AMZ1: variants seen among roughly 807,000 people sequenced by gnomAD.
The protein encoded by AMZ1 is archaemetzincin-1.
A neutral mutation model predicts 29.9 loss-of-function variants in AMZ1; 39 were observed. The ratio of observed to expected loss-of-function variants is 1.30; its 90% CI spans 1.01 to 1.70. AMZ1 has a LOEUF of 1.70. AMZ1 is among the 40% of genes most tolerant of loss of function. The pLI, the probability that AMZ1 is intolerant of heterozygous loss-of-function variation, is 0.00. For synonymous variants in AMZ1, 458 were observed against 304.0 expected (o/e 1.51, Z -5.27); for missense variants, 1,041 against 680.6 (o/e 1.53, Z -5.89).
chr7:2,723,309 C>CA (rs1376883921), downstream of AMZ1, among the ~76,000 whole-genome samples: 4 of 152,310 alleles, frequency 2.6e-5, no homozygotes, highest in African/African-American at 9.6e-5. Flanking sequence ...TGGCAACATG[C>CA]ACCCGGGTGC....
chr7:2,713,774 G>GC lies in AMZ1; in HGVS notation c.*901dup, dbSNP rs1316241694. The GC allele has an allele frequency of 6.6e-6, 1 of 152,390 alleles. No homozygotes were observed. The highest frequency in any genetic ancestry group is 1.5e-5 in the Non-Finnish European group (1 of 68,078). 9.4% of individuals were successfully genotyped at this position (152,390 alleles called of 1,614,324 possible). ...TGTCTGACGTGCACTGAGGGCAGAG[G>GC]CCCCCTTATTCCTGAGGCGGCTACA... is the stretch of plus-strand genomic sequence containing the variant. On this transcript the variant is annotated 3_prime_UTR_variant, in exon 7 of 7. Coordinates refer to ENST00000683327, the MANE Select transcript of AMZ1 (RefSeq NM_001384743.1).
intron 4 of AMZ1, among the ~76,000 whole-genome samples, chr7:2,726,032 C>T (rs867433521): frequency 7.9e-5 from 12 of 152,298 alleles, no homozygotes; most frequent in Middle Eastern, 6.8e-3. Context: ...GGCTGCTGTG[C>T]AAATTAAGCA....
At chr7:2,692,410 C>T (rs575788310) in intron 1 of AMZ1, among the ~76,000 whole-genome samples, 92 of 152,248 alleles carry the variant, frequency 6.0e-4, no homozygotes, top group African/African-American at 2.0e-3. Context: ...GGTGTGGTGG[C>T]GGGCGCCTTT....
At chr7:2,698,654 TAGTG>T (rs1367830613) in intron 1 of AMZ1, among the ~76,000 whole-genome samples, 1 of 152,000 alleles carries the variant, frequency 6.6e-6, no homozygotes, top group Non-Finnish European at 1.5e-5. Context: ...CTGGGCAACA[TAGTG>T]AGACCCCCGT....
intron 3 of AMZ1, among the ~76,000 whole-genome samples, chr7:2,704,432 C>T (rs556959029): frequency 4.0e-5 from 6 of 151,892 alleles, no homozygotes; most frequent in Admixed American, 2.0e-4. Context: ...GAGCTGTGAT[C>T]GTGCTACTGT....
chr7:2,720,111 C>A (rs1164981992), downstream of AMZ1, among the ~76,000 whole-genome samples: 1 of 152,388 alleles, frequency 6.6e-6, no homozygotes, highest in Middle Eastern at 3.4e-3. Context: ...CCGACGGGAA[C>A]CTACCGACAG....
chr7:2,738,015 G>A (rs1790295494), intron 4 of AMZ1, among the ~76,000 whole-genome samples: 1 of 152,182 alleles, frequency 6.6e-6, no homozygotes, highest in South Asian at 2.1e-4. Flanking sequence ...AGCTGTGAAA[G>A]TATTCTGGAA....
chr7:2,740,203 C>G (rs185799766), intron 4 of AMZ1, among the ~76,000 whole-genome samples: 1 of 152,232 alleles, frequency 6.6e-6, no homozygotes, highest in East Asian at 1.9e-4. Flanking sequence ...GTGATCTTTT[C>G]TAGGTGGTTC....
At position 2,749,629 on chromosome 7, in the gene AMZ1, T is replaced by G. The variant is rs192885500; in HGVS notation, n.551-15083T>G. Among the ~76,000 whole-genome samples, 706 of 152,156 alleles carry G rather than the reference T, an allele frequency of 4.6e-3. 8 individuals carry two copies. Among genetic ancestry groups the G allele is most frequent in the African/African-American group, 0.016 (666 of 41,506 alleles). ...ATACATATGTAACAAACCTGCACGTTGTGCACATGTACCCTAGAACTTAAA... is the reference window on the plus strand; with the variant it reads ...ATACATATGTAACAAACCTGCACGTGGTGCACATGTACCCTAGAACTTAAA... On this transcript the variant is annotated intron_variant and non_coding_transcript_variant, in intron 4 of 4. Coordinates refer to the AMZ1 transcript ENST00000489665.
At chr7:2,746,228 C>A (rs1246394326) in intron 4 of AMZ1, among the ~76,000 whole-genome samples, 1 of 152,196 alleles carries the variant, frequency 6.6e-6, no homozygotes, top group Non-Finnish European at 1.5e-5. Flanking sequence ...TTCTTTTCAG[C>A]ACCACACCAC....
chr7:2,690,758 A>G (rs1298462481), intron 1 of AMZ1, among the ~76,000 whole-genome samples: 1 of 152,032 alleles, frequency 6.6e-6, no homozygotes, highest in East Asian at 1.9e-4. Flanking sequence ...GTCCTCCCTG[A>G]ATAACTTAGA....
chr7:2,746,339 C>T (rs1175976404), intron 4 of AMZ1, among the ~76,000 whole-genome samples: 1 of 152,186 alleles, frequency 6.6e-6, no homozygotes, highest in East Asian at 1.9e-4. Context: ...GACCACAGTG[C>T]AATCAAACTA....
intron 1 of AMZ1, among the ~76,000 whole-genome samples, chr7:2,696,650 T>C (rs970123726): frequency 2.6e-5 from 4 of 151,660 alleles, no homozygotes; most frequent in South Asian, 2.1e-4. Context: ...TTTGGGAGGC[T>C]GAGGTGGGCA....
rs116597581 is a variant in AMZ1, at chr7:2,753,552, G to A, written n.551-11160G>A. On this transcript the variant is annotated intron_variant and non_coding_transcript_variant, in intron 4 of 4. Transcript: ENST00000489665. ...TTTTTACTGCTGGGAGAATTCCATGGTCTGAACGTGCCGCAGTTTATTTAA... is the reference window on the plus strand; with the variant it reads ...TTTTTACTGCTGGGAGAATTCCATGATCTGAACGTGCCGCAGTTTATTTAA... Among the ~76,000 whole-genome samples the A allele has an allele frequency of 5.2e-3, 794 of 152,220 alleles. 7 individuals carry two copies. Among genetic ancestry groups the A allele is most frequent in the African/African-American group, 0.018 (749 of 41,504 alleles).
chr7:2,704,117 C>T (rs1788213279), intron 3 of AMZ1, among the ~76,000 whole-genome samples: 1 of 152,234 alleles, frequency 6.6e-6, no homozygotes, highest in African/African-American at 2.4e-5. Context: ...TCTGGATCTC[C>T]TGACCGCATG....
At chr7:2,753,672 G>A (rs140356964) in intron 4 of AMZ1, among the ~76,000 whole-genome samples, 46 of 152,324 alleles carry the variant, frequency 3.0e-4, no homozygotes, top group Middle Eastern at 3.4e-3. Context: ...TGGTGTGGAT[G>A]TAAGTTTCAT....
rs796726434 is a variant in AMZ1 at position 2,718,712 on chromosome 7, G to A, written c.*5834G>A. On this transcript the variant is annotated 3_prime_UTR_variant, in exon 7 of 7. Transcript: ENST00000683327. ...AGGAGCTCCACTGTCCCTTCTAACA[G>A]GACAGGGCTTGTGCAGCCGGGCTTG... Among the ~76,000 whole-genome samples, 53 of 152,348 alleles carry A rather than the reference G, an allele frequency of 3.5e-4. No individual in the cohort carries two copies. The highest frequency in any genetic ancestry group is 9.4e-4 in the African/African-American group (39 of 41,584).
At chr7:2,756,759 G>A (rs1409935743) in intron 4 of AMZ1, among the ~76,000 whole-genome samples, 1 of 152,116 alleles carries the variant, frequency 6.6e-6, no homozygotes. Flanking sequence ...AGAATATGAT[G>A]GAACATCACT....
intron 1 of AMZ1, 71 bp from the exon 2 acceptor site, chr7:2,700,163 C>A: frequency 2.1e-6 from 1 of 478,768 alleles, no homozygotes; most frequent in Non-Finnish European, 3.8e-6. Flanking sequence ...CAGGAGCGGC[C>A]CATCCCTTGC....
Sources: gnomAD v4.1 joint callset for allele counts (sites outside exome capture counted in the v4.1 genomes callset) on GRCh38, gnomAD v4.1.1 for gene constraint, MANE v1.5 for transcripts, NCBI Gene and HGNC (gene_info 2026-07-23, HGNC 2026-07-21) for gene names.